ERC2: variants seen among roughly 807,000 people sequenced by gnomAD.
The protein encoded by ERC2 is ERC protein 2.
In ERC2, 42 loss-of-function variants were observed where a neutral mutation model predicts 114.8. The observed-to-expected ratio is 0.37, with a 90% confidence interval of 0.29 to 0.47. The LOEUF (loss-of-function observed/expected upper bound fraction) is 0.47. ERC2 is among the 20% of genes least tolerant of loss of function. The pLI, the probability that ERC2 is intolerant of heterozygous loss-of-function variation, is 0.99. For missense variants in ERC2, 939 were observed against 1,150.7 expected, an observed-to-expected ratio of 0.82 and a Z score of 2.66; for synonymous variants, 454 against 425.5, an observed-to-expected ratio of 1.07 and a Z score of -0.82.
chr3:55,796,529 G>C (rs149685506), intron 14 of ERC2, among the ~76,000 whole-genome samples: 3 of 152,244 alleles, frequency 2.0e-5, no homozygotes, highest in African/African-American at 7.2e-5. Context: ...GGGTTCAAGC[G>C]ATTCTCCTGC....
chr3:56,381,397 C>T (rs981868498), intron 2 of ERC2, among the ~76,000 whole-genome samples: 1 of 152,126 alleles, frequency 6.6e-6, no homozygotes, highest in Non-Finnish European at 1.5e-5. Flanking sequence ...AGAATCTGCA[C>T]GTACAAAAAG....
Position 55,952,165 on chromosome 3 carries a change from ACACACACACACACACTCTCT to A in ERC2, c.2268-1625_2268-1606del, listed in dbSNP as rs1377920436. 3.4e-3 allele frequency among the ~76,000 whole-genome samples: 296 copies of A among 85,900 alleles called. 19 individuals are homozygous for A. The highest frequency in any genetic ancestry group is 7.7e-3 in the African/African-American group (181 of 23,364). The allele number at this position is 85,900 out of a possible 152,430, so 56.4% of individuals were successfully genotyped here. On this transcript the variant is annotated intron_variant, in intron 12 of 17. Coordinates refer to ENST00000288221, the MANE Select transcript of ERC2 (RefSeq NM_015576.3). ...CACACACACACACACACACACACAC[ACACACACACACACACTCTCT>A]CTCTCTCTCTCTCTATATATATATA...
At chr3:55,968,831 A>G (rs1312686161) in intron 12 of ERC2, among the ~76,000 whole-genome samples, 3 of 152,162 alleles carry the variant, frequency 2.0e-5, no homozygotes, top group South Asian at 2.1e-4. Flanking sequence ...TCACTACCCT[A>G]TTGGATTTCT....
At chr3:56,390,141 C>T (rs1187130856) in intron 2 of ERC2, among the ~76,000 whole-genome samples, 1 of 152,114 alleles carries the variant, frequency 6.6e-6, no homozygotes, top group African/African-American at 2.4e-5. Context: ...CCTCTCTCAA[C>T]AGCACAAAAT....
chr3:56,131,079 C>T (rs1006010722), intron 6 of ERC2, among the ~76,000 whole-genome samples: 8 of 152,124 alleles, frequency 5.3e-5, no homozygotes, highest in Non-Finnish European at 7.3e-5. Flanking sequence ...TGCACATAGA[C>T]GAGGTGGTGA....
chr3:55,797,940 A>G (rs2070651038), intron 14 of ERC2, among the ~76,000 whole-genome samples: 1 of 152,242 alleles, frequency 6.6e-6, no homozygotes, highest in South Asian at 2.1e-4. Context: ...TAAAATAATA[A>G]ATGGGTTTAG....
chr3:56,072,972 A>AGT (rs1262489502), intron 7 of ERC2, among the ~76,000 whole-genome samples: 27 of 152,206 alleles, frequency 1.8e-4, no homozygotes, highest in African/African-American at 6.3e-4. Flanking sequence ...AGGGTTCAAG[A>AGT]GTGTCATACA....
chr3:55,939,809 G>A (rs2066669084), intron 13 of ERC2, among the ~76,000 whole-genome samples: 1 of 152,206 alleles, frequency 6.6e-6, no homozygotes, highest in African/African-American at 2.4e-5. Context: ...AGAAATGTCT[G>A]TAAGCCAGGT....
chr3:56,157,434 T>C (rs759376661), intron 4 of ERC2, among the ~76,000 whole-genome samples: 3 of 152,198 alleles, frequency 2.0e-5, no homozygotes, highest in Non-Finnish European at 4.4e-5. Flanking sequence ...CATGTACATC[T>C]AAATGGAAAG....
chr3:56,218,143 T>A (rs1346895797), intron 3 of ERC2, among the ~76,000 whole-genome samples: 1 of 151,992 alleles, frequency 6.6e-6, no homozygotes, highest in African/African-American at 2.4e-5. Context: ...ACAAATGGGA[T>A]CTAATTAAAC....
chr3:55,868,319 C>T (rs1378959194), intron 14 of ERC2, among the ~76,000 whole-genome samples: 1 of 152,166 alleles, frequency 6.6e-6, no homozygotes, highest in Non-Finnish European at 1.5e-5. Flanking sequence ...TAATCCACAT[C>T]TAAAAAGTGG....
At position 55,723,802 on chromosome 3, in the gene ERC2, A is replaced by G. The variant is rs141919825; in HGVS notation, c.2712+10969T>C. ...ACAATGGTGATCAATGACAAAATCA[A>G]TATCACTTTAACACAGCTTTTCAAG... On this transcript the variant is annotated intron_variant, in intron 15 of 17. Transcript: ENST00000288221. 1.6e-3 allele frequency among the ~76,000 whole-genome samples: 238 copies of G among 152,368 alleles called. 1 individual carries two copies. Among genetic ancestry groups the G allele is most frequent in the Middle Eastern group, 6.8e-3 (2 of 294 alleles).
At position 55,589,439 on chromosome 3, in the gene ERC2, A is replaced by G. The variant is rs149684638; in HGVS notation, c.*40-78163T>C. ...GCAGAAATAATTCCGCACATCTACC[A>G]TGACTACACGGGGAATGTTGCCTGC... On this transcript the variant is annotated intron_variant, in intron 17 of 17. Transcript: ENST00000288221. 6.4e-4 allele frequency among the ~76,000 whole-genome samples: 97 copies of G among 152,288 alleles called. No homozygotes were observed. The Middle Eastern group carries it at 0.01, about 16-fold the overall frequency.
chr3:56,054,572 T>G (rs2075917814), intron 7 of ERC2, among the ~76,000 whole-genome samples: 1 of 152,230 alleles, frequency 6.6e-6, no homozygotes, highest in South Asian at 2.1e-4. Flanking sequence ...GCTGGATACT[T>G]TTAACATCCA....
chr3:55,855,856 A>G (rs2061763634), intron 14 of ERC2, among the ~76,000 whole-genome samples: 2 of 152,226 alleles, frequency 1.3e-5, no homozygotes. Flanking sequence ...AAAATTCTGC[A>G]GTAATTTAAA....
intron 1 of ERC2, among the ~76,000 whole-genome samples, chr3:56,447,435 A>G (rs140056860): frequency 6.6e-6 from 1 of 152,304 alleles, no homozygotes; most frequent in African/African-American, 2.4e-5. Context: ...AAAGAGAGGG[A>G]GACGAGAAGT....
chr3:56,174,995 T>C (rs1033066704), intron 3 of ERC2, among the ~76,000 whole-genome samples: 4 of 147,956 alleles, frequency 2.7e-5, no homozygotes, highest in Non-Finnish European at 6.0e-5. Flanking sequence ...AAAAAAAAGA[T>C]AGGACATGTT....
chr3:56,365,098 T>C (rs1421314923), intron 2 of ERC2, among the ~76,000 whole-genome samples: 2 of 152,368 alleles, frequency 1.3e-5, no homozygotes, highest in Non-Finnish European at 1.5e-5. Flanking sequence ...TACCCAGTAT[T>C]CTGACCTAAG....
At chr3:55,586,701 T>C (rs1316381609) in intron 17 of ERC2, among the ~76,000 whole-genome samples, 2 of 152,222 alleles carry the variant, frequency 1.3e-5, no homozygotes, top group Non-Finnish European at 2.9e-5. Context: ...AAAATGCAAA[T>C]GCCTTGAAAG....
Sources: gnomAD v4.1 joint callset for allele counts (sites outside exome capture counted in the v4.1 genomes callset) on GRCh38, gnomAD v4.1.1 for gene constraint, MANE v1.5 for transcripts, NCBI Gene and HGNC (gene_info 2026-07-23, HGNC 2026-07-21) for gene names.